Variants in ADAM12 observed in about 807,000 individuals in gnomAD.
The protein encoded by ADAM12 is ADAM metallopeptidase domain 12, also known as disintegrin and metalloproteinase domain-containing protein 12.
ADAM12 carries 70 observed loss-of-function variants against 106.4 expected under a neutral mutation model. The ratio of observed to expected loss-of-function variants is 0.66; its 90% confidence interval spans 0.54 to 0.80. The LOEUF is 0.80. Among genes scored for constraint, ADAM12 ranks in the 30% least tolerant of loss-of-function variants. The pLI is 0.00. For missense variants in ADAM12, 1,010 were observed against 1,171.9 expected (o/e 0.86, Z 2.02); for synonymous variants, 420 against 433.5 (o/e 0.97, Z 0.39).
intron 11 of ADAM12, among the ~76,000 whole-genome samples, chr10:126,086,680 A>AAAAATATATATATATAT (rs1554966976): frequency 4.1e-5 from 1 of 24,258 alleles, no homozygotes; most frequent in Non-Finnish European, 5.9e-5. Context: ...AAAAAAAAAA[A>AAAAATATATATATATAT]ATATATATAT....
At chr10:126,177,270 A>G (rs1957237379) in intron 3 of ADAM12, among the ~76,000 whole-genome samples, 2 of 152,142 alleles carry the variant, frequency 1.3e-5, no homozygotes, top group African/African-American at 4.8e-5. Flanking sequence ...AAAAAAAGCA[A>G]TGAGATGAGA....
intron 22 of ADAM12, among the ~76,000 whole-genome samples, chr10:126,018,437 TC>T (rs1953699634): frequency 4.6e-5 from 7 of 152,142 alleles, no homozygotes; most frequent in Non-Finnish European, 8.8e-5. Flanking sequence ...CCACCTGACA[TC>T]ACTAAACATG....
Position 126,330,316 on chromosome 10 carries a change from G to A in ADAM12, c.186+96C>T, listed in dbSNP as rs116091198. The A allele has an allele frequency of 2.0e-3, 2,065 of 1,056,476 alleles. 39 individuals carry two copies. In the African/African-American group the frequency reaches 0.03, roughly 15 times the overall value. The allele number at this position is 1,056,476 out of a possible 1,614,324, so 65.4% of individuals were successfully genotyped here. On this transcript the variant is annotated intron_variant, in intron 2 of 22. Transcript: ENST00000448723. ...CTAAGGATAGAGTTAGCATTAAAGT[G>A]AGTAGAGACAACCCTTGAATGAGAG...
chr10:126,128,435 A>C (rs1313964190), intron 5 of ADAM12, among the ~76,000 whole-genome samples: 1 of 152,250 alleles, frequency 6.6e-6, no homozygotes, highest in Non-Finnish European at 1.5e-5. Flanking sequence ...CATCTGCCCC[A>C]TTCTCATGAA....
At chr10:126,371,626 G>T (rs1856116805) in intron 1 of ADAM12, among the ~76,000 whole-genome samples, 1 of 152,196 alleles carries the variant, frequency 6.6e-6, no homozygotes, top group East Asian at 1.9e-4. Context: ...TGCTTAACGG[G>T]CTTTACTGCT....
At chr10:126,350,818 G>A (rs953778733) in intron 1 of ADAM12, among the ~76,000 whole-genome samples, 3 of 152,202 alleles carry the variant, frequency 2.0e-5, no homozygotes, top group South Asian at 2.1e-4. Context: ...CAGAATTCAC[G>A]CCTCTGGCAG....
intron 3 of ADAM12, among the ~76,000 whole-genome samples, chr10:126,217,015 C>A (rs1396040281): frequency 2.6e-5 from 4 of 152,198 alleles, no homozygotes; most frequent in African/African-American, 9.7e-5. Context: ...TCTTGGTGCT[C>A]ATCTTTCCAA....
At chr10:126,344,727 G>C (rs1479497516) in intron 1 of ADAM12, among the ~76,000 whole-genome samples, 1 of 152,162 alleles carries the variant, frequency 6.6e-6, no homozygotes, top group Non-Finnish European at 1.5e-5. Flanking sequence ...TCTCCTTGAA[G>C]AGGTTCTTCA....
chr10:126,153,524 A>T (rs1284545065), intron 4 of ADAM12, among the ~76,000 whole-genome samples: 1 of 151,870 alleles, frequency 6.6e-6, no homozygotes, highest in Admixed American at 6.6e-5. Context: ...ATGTATTTTC[A>T]TTGTGGAATT....
intron 3 of ADAM12, among the ~76,000 whole-genome samples, chr10:126,248,275 T>C (rs1181570219): frequency 1.3e-5 from 2 of 152,148 alleles, no homozygotes; most frequent in Non-Finnish European, 2.9e-5. Flanking sequence ...AATGAACAAA[T>C]GAACTCGGAA....
In ADAM12 at chr10:126,112,049, C is replaced by T. The variant is rs185593109; in HGVS notation, c.604-2209G>A. On this transcript the variant is annotated intron_variant, in intron 6 of 22. Transcript: ENST00000448723. ...GAAAATGTGGTATATACATACACCACGGAATACTATGCTGCCATAAAAAGG... is the reference window on the plus strand; with the variant it reads ...GAAAATGTGGTATATACATACACCATGGAATACTATGCTGCCATAAAAAGG... Among the ~76,000 whole-genome samples the T allele has an allele frequency of 3.9e-5, 6 of 152,248 alleles. No homozygotes were observed. In the East Asian group the frequency reaches 5.8e-4, roughly 15 times the overall value.
intron 10 of ADAM12, among the ~76,000 whole-genome samples, chr10:126,096,238 T>TAAAA (rs1351581127): frequency 6.6e-6 from 1 of 152,210 alleles, no homozygotes; most frequent in Admixed American, 6.5e-5. Context: ...AATTCACCCT[T>TAAAA]AAAAAATATT....
At chr10:126,085,897 A>T (rs1048285924) in intron 11 of ADAM12, among the ~76,000 whole-genome samples, 5 of 152,208 alleles carry the variant, frequency 3.3e-5, no homozygotes, top group Non-Finnish European at 7.3e-5. Context: ...TGTGGAGCTG[A>T]AAATGAGTCC....
At position 126,038,232 on chromosome 10, in the gene ADAM12, A is replaced by G. The variant is rs1310038912; in HGVS notation, c.2349+9T>C. 1 of 1,602,332 alleles carries G rather than the reference A, an allele frequency of 6.2e-7. No individual in the cohort carries two copies. Among genetic ancestry groups the G allele is most frequent in the Non-Finnish European group, 8.5e-7 (1 of 1,173,832 alleles). ...GTGCCCTGAGCACTCACATCTACTC[A>G]AGACTCACCTTCGGTGGGTAGGAAT... On this transcript the variant is annotated intron_variant, in intron 20 of 22. Coordinates refer to ENST00000448723, the MANE Select transcript of ADAM12 (RefSeq NM_001288973.2).
chr10:126,288,632 G>A (rs796238105), intron 2 of ADAM12, among the ~76,000 whole-genome samples: 11 of 152,172 alleles, frequency 7.2e-5, no homozygotes, highest in African/African-American at 2.6e-4. Flanking sequence ...GTGGCCCCAA[G>A]GACAGGACCA....
At chr10:126,283,314 A>G (rs1474797127) in intron 2 of ADAM12, among the ~76,000 whole-genome samples, 1 of 152,130 alleles carries the variant, frequency 6.6e-6, no homozygotes, top group Non-Finnish European at 1.5e-5. Flanking sequence ...GCCTTGCTGG[A>G]CAGATATGAG....
At chr10:126,211,473 A>G (rs935540954) in intron 3 of ADAM12, among the ~76,000 whole-genome samples, 2 of 152,198 alleles carry the variant, frequency 1.3e-5, no homozygotes, top group South Asian at 4.1e-4. Flanking sequence ...TGGACCTGCC[A>G]GTAGCCATCT....
At chr10:126,370,859 T>C (rs563643301) in intron 1 of ADAM12, among the ~76,000 whole-genome samples, 1 of 152,288 alleles carries the variant, frequency 6.6e-6, no homozygotes, top group East Asian at 1.9e-4. Flanking sequence ...AAATCATGAG[T>C]TCTCTATGCC....
chr10:126,371,878 C>T (rs1441734274), intron 1 of ADAM12, among the ~76,000 whole-genome samples: 1 of 152,352 alleles, frequency 6.6e-6, no homozygotes, highest in African/African-American at 2.4e-5. Flanking sequence ...GCCTGGGCAT[C>T]TGCTACCATT....
Sources: gnomAD v4.1 joint callset for allele counts (sites outside exome capture counted in the v4.1 genomes callset) on GRCh38, gnomAD v4.1.1 for gene constraint, MANE v1.5 for transcripts, NCBI Gene and HGNC (gene_info 2026-07-23, HGNC 2026-07-21) for gene names.